VAV1: variants seen among roughly 807,000 people sequenced by gnomAD.
VAV1 encodes the protein vav guanine nucleotide exchange factor 1.
In VAV1, 33 loss-of-function variants were observed where a neutral mutation model predicts 128.1. The ratio of observed to expected loss-of-function variants is 0.26; its 90% confidence interval spans 0.20 to 0.34. The LOEUF (loss-of-function observed/expected upper bound fraction) is 0.34. VAV1 is among the 10% of genes least tolerant of loss of function. VAV1 has a pLI of 1.00. For missense variants in VAV1, 715 were observed against 1,093.7 expected, an observed-to-expected ratio of 0.65 and a Z score of 4.88; for synonymous variants, 394 against 409.8, an observed-to-expected ratio of 0.96 and a Z score of 0.47.
chr19:6,790,185 AAAT>A (rs1970986551), intron 1 of VAV1, among the ~76,000 whole-genome samples: 1 of 152,056 alleles, frequency 6.6e-6, no homozygotes, highest in African/African-American at 2.4e-5. Flanking sequence ...CTCAAAAATA[AAAT>A]AAAATAAAAT....
At chr19:6,804,818 C>G (rs554820649) in intron 1 of VAV1, among the ~76,000 whole-genome samples, 77 of 150,880 alleles carry the variant, frequency 5.1e-4, no homozygotes, top group Non-Finnish European at 8.7e-4. Flanking sequence ...CTGCCTCCCA[C>G]GTTCACGCCA....
rs1377931418 is a variant in VAV1 at position 6,829,677 on chromosome 19, AAGG to A, written c.1266-100_1266-98del. The A allele has an allele frequency of 5.2e-6, 8 of 1,538,490 alleles. No individual in the cohort carries two copies. The East Asian group carries it at 6.8e-5, about 13-fold the overall frequency. ...ACAGGTGGGCATGGCCAAGTTGGCCAAGGAGGAGGAGAAGGGCAGGGTGGGACC... is the reference window on the plus strand; with the variant it reads ...ACAGGTGGGCATGGCCAAGTTGGCCAAGGAGGAGAAGGGCAGGGTGGGACC... On this transcript the variant is annotated intron_variant, in intron 13 of 26. Coordinates refer to ENST00000602142, the MANE Select transcript of VAV1 (RefSeq NM_005428.4).
At chr19:6,795,352 C>T (rs571968419) in intron 1 of VAV1, among the ~76,000 whole-genome samples, 1 of 152,238 alleles carries the variant, frequency 6.6e-6, no homozygotes, top group Admixed American at 6.5e-5. Context: ...GACCCTCCTT[C>T]TCTGAACTCT....
At position 6,828,506 on chromosome 19, in the gene VAV1, C is replaced by G. The variant is rs1434685381; in HGVS notation, c.1092+19C>G. On this transcript the variant is annotated intron_variant, in intron 11 of 26. Transcript: ENST00000602142. The surrounding 1 kb of genome is among the most constrained non-coding windows in gnomAD (Gnocchi z 4.5). ...CATGAGGGTGAGTGGGTGTAGGGTG[C>G]TGGTGACTCACCTGCTGCAGACACC... 6.2e-7 allele frequency: 1 copy of G among 1,614,100 alleles called. No homozygotes were observed. Among genetic ancestry groups the G allele is most frequent in the Non-Finnish European group, 8.5e-7 (1 of 1,179,982 alleles).
At chr19:6,846,081 A>T (rs1481405814) in intron 22 of VAV1, among the ~76,000 whole-genome samples, 1 of 149,062 alleles carries the variant, frequency 6.7e-6, no homozygotes, top group African/African-American at 2.4e-5. Flanking sequence ...TTATTTATAT[A>T]TGTTACATTT....
In VAV1 at chr19:6,793,985, CTTT is replaced by C. The variant is rs1034265927; in HGVS notation, c.204+20975_204+20977del. 7.5e-4 allele frequency among the ~76,000 whole-genome samples: 104 copies of C among 137,918 alleles called. 8 individuals carry two copies. Among genetic ancestry groups the C allele is most frequent in the Admixed American group, 6.7e-3 (93 of 13,924 alleles). The allele number at this position is 137,918 out of a possible 152,430, so 90.5% of individuals were successfully genotyped here. On this transcript the variant is annotated intron_variant, in intron 1 of 26. Coordinates refer to ENST00000602142, the MANE Select transcript of VAV1 (RefSeq NM_005428.4). ...TACCAGTGATACTGATAAATGACTT[CTTT>C]ATCATTTATGAAAAATTGATAAATG...
intron 1 of VAV1, among the ~76,000 whole-genome samples, chr19:6,816,702 T>C (rs149420051): frequency 3.5e-4 from 53 of 152,080 alleles, no homozygotes; most frequent in African/African-American, 1.2e-3. Context: ...TGGTGGCTCA[T>C]GCCTGTAATC....
chr19:6,837,843 C>T (rs1264037514), intron 21 of VAV1, among the ~76,000 whole-genome samples: 2 of 152,148 alleles, frequency 1.3e-5, no homozygotes, highest in East Asian at 1.9e-4. Flanking sequence ...AGAGCCTTCT[C>T]ATGCATAACC....
intron 26 of VAV1, among the ~76,000 whole-genome samples, chr19:6,854,613 G>T (rs1257289250): frequency 1.3e-5 from 2 of 152,134 alleles, no homozygotes; most frequent in East Asian, 3.9e-4. Context: ...TACTCAGGAA[G>T]CTGAGGTGGG....
chr19:6,847,475 C>A (rs1362347412), intron 22 of VAV1, among the ~76,000 whole-genome samples: 1 of 152,106 alleles, frequency 6.6e-6, no homozygotes, highest in Non-Finnish European at 1.5e-5. Context: ...CCATTGTAGC[C>A]CATGTCAGTG....
At chr19:6,843,287 T>G in intron 22 of VAV1, 121 bp downstream of exon 22, 1 of 1,156,756 alleles carries the variant, frequency 8.6e-7, no homozygotes. Flanking sequence ...AGCACCGACT[T>G]CTGAATCTAG....
At chr19:6,839,110 T>C (rs984990268) in intron 21 of VAV1, among the ~76,000 whole-genome samples, 2 of 151,666 alleles carry the variant, frequency 1.3e-5, no homozygotes, top group African/African-American at 4.8e-5. Flanking sequence ...ATCATGTTGG[T>C]CAGGCTGGTC....
intron 1 of VAV1, among the ~76,000 whole-genome samples, chr19:6,797,585 C>T (rs1040892790): frequency 1.3e-5 from 2 of 151,898 alleles, no homozygotes; most frequent in African/African-American, 4.8e-5. Context: ...TGCCTGTAAT[C>T]CCAGCTACTC....
At chr19:6,821,927 GA>G in intron 4 of VAV1, 68 bp downstream of exon 4, 5 of 1,594,586 alleles carry the variant, frequency 3.1e-6, no homozygotes, top group Non-Finnish European at 4.3e-6. Flanking sequence ...GGTGTGGGGG[GA>G]CATGGCCTTG....
intron 1 of VAV1, among the ~76,000 whole-genome samples, chr19:6,805,281 T>C (rs1043862413): frequency 4.0e-5 from 6 of 150,182 alleles, no homozygotes; most frequent in East Asian, 2.0e-4. Flanking sequence ...AAAAATTAGC[T>C]GGGTATGGTG....
intron 6 of VAV1, among the ~76,000 whole-genome samples, chr19:6,823,719 G>A (rs1004082887): frequency 9.9e-5 from 15 of 151,570 alleles, no homozygotes; most frequent in African/African-American, 2.9e-4. Context: ...TCTCTCCTTT[G>A]TAGCTCTTTA....
intron 1 of VAV1, among the ~76,000 whole-genome samples, chr19:6,804,450 T>C (rs1971342105): frequency 6.6e-6 from 1 of 152,104 alleles, no homozygotes; most frequent in South Asian, 2.1e-4. Context: ...AGAGTCTTGC[T>C]CTGTCGCCCA....
chr19:6,851,363 G>A (rs1351943996), intron 24 of VAV1, among the ~76,000 whole-genome samples: 1 of 151,426 alleles, frequency 6.6e-6, no homozygotes, highest in Non-Finnish European at 1.5e-5. Context: ...TTTTTTTTTT[G>A]TAGAGATGGG....
chr19:6,817,357 C>T lies in VAV1; in HGVS notation c.205-3345C>T, dbSNP rs79671659. Among the ~76,000 whole-genome samples, 1,136 of 152,074 alleles carry T rather than the reference C, an allele frequency of 7.5e-3. 13 individuals carry two copies. Among genetic ancestry groups the T allele is most frequent in the Admixed American group, 0.011 (170 of 15,256 alleles). ...GCGATTACAGGGATGAGTCATAGCACCCAGCCAAAAAATGCAAATATTGTT... is the reference window on the plus strand; with the variant it reads ...GCGATTACAGGGATGAGTCATAGCATCCAGCCAAAAAATGCAAATATTGTT... On this transcript the variant is annotated intron_variant, in intron 1 of 26. Transcript: ENST00000602142.
Sources: gnomAD v4.1 joint callset for allele counts (sites outside exome capture counted in the v4.1 genomes callset) on GRCh38, gnomAD v4.1.1 for gene constraint, Gnocchi (gnomAD v3.1) non-coding constraint, MANE v1.5 for transcripts, NCBI Gene and HGNC (gene_info 2026-07-23, HGNC 2026-07-21) for gene names.